The following PIP4K2A variants were observed in gnomAD, a reference collection of about 807,000 sequenced individuals.
PIP4K2A encodes phosphatidylinositol-5-phosphate 4-kinase type 2 alpha.
Under a neutral mutation model 42.9 loss-of-function variants are expected in PIP4K2A, and 14 were observed. The ratio of observed to expected loss-of-function variants is 0.33; its 90% CI spans 0.22 to 0.51. The LOEUF (loss-of-function observed/expected upper bound fraction) is 0.51, where lower values mean the gene tolerates loss of function less well. PIP4K2A is among the 20% of genes least tolerant of loss of function. PIP4K2A has a pLI of 0.97. For missense variants in PIP4K2A, 434 were observed against 519.8 expected (o/e 0.83, Z 1.61); for synonymous variants, 192 against 192.2 (o/e 1.00, Z 0.01).
chr10:22,594,891 C>A (rs538398708), intron 3 of PIP4K2A, among the ~76,000 whole-genome samples: 9 of 152,112 alleles, frequency 5.9e-5, no homozygotes, highest in African/African-American at 1.4e-4. Context: ...CTTAAAAATT[C>A]GAATCTTGAT....
chr10:22,698,858 T>C (rs879664954), intron 1 of PIP4K2A, among the ~76,000 whole-genome samples: 8 of 152,220 alleles, frequency 5.3e-5, no homozygotes, highest in African/African-American at 9.6e-5. Flanking sequence ...TCAGAAAATA[T>C]GCTATGTATC....
At chr10:22,567,827 G>C in intron 6 of PIP4K2A, 24 bp downstream of exon 6, 1 of 1,599,368 alleles carries the variant, frequency 6.3e-7, no homozygotes, top group Non-Finnish European at 8.6e-7. Flanking sequence ...CAGGACATGG[G>C]GAGACATACA....
chr10:22,608,637 T>G (rs1174553824), intron 2 of PIP4K2A, among the ~76,000 whole-genome samples: 1 of 152,110 alleles, frequency 6.6e-6, no homozygotes, highest in Non-Finnish European at 1.5e-5. Context: ...TTTGGGAGAC[T>G]GAGGTGGGAG....
At chr10:22,641,885 G>C (rs1838789558) in intron 1 of PIP4K2A, 1 of 152,200 alleles carries the variant, frequency 6.6e-6, no homozygotes, top group South Asian at 2.1e-4. Context: ...GGCCATCACA[G>C]GGTTCTCTAC....
chr10:22,652,866 T>G (rs1032849101), intron 1 of PIP4K2A, among the ~76,000 whole-genome samples: 4 of 152,116 alleles, frequency 2.6e-5, no homozygotes, highest in African/African-American at 9.7e-5. Context: ...GGCTGAGGCT[T>G]GAGGATCACT....
chr10:22,612,742 C>T (rs112482690), intron 1 of PIP4K2A, among the ~76,000 whole-genome samples: 3,354 of 151,932 alleles, frequency 0.022, 123 homozygotes, highest in African/African-American at 0.075. Flanking sequence ...GTGGGTCCAA[C>T]GACTGGCACA....
intron 1 of PIP4K2A, among the ~76,000 whole-genome samples, chr10:22,664,024 T>C (rs1839259082): frequency 8.4e-6 from 1 of 119,072 alleles, no homozygotes; most frequent in Non-Finnish European, 1.7e-5. Flanking sequence ...TCTCTCTCCA[T>C]ATATATACAT....
At chr10:22,693,413 C>T (rs1378673765) in intron 1 of PIP4K2A, among the ~76,000 whole-genome samples, 1 of 152,076 alleles carries the variant, frequency 6.6e-6, no homozygotes, top group Non-Finnish European at 1.5e-5. Flanking sequence ...AAGAGTGATT[C>T]TACATGGCAT....
intron 1 of PIP4K2A, among the ~76,000 whole-genome samples, chr10:22,667,913 GTGT>G (rs1839379938): frequency 7.7e-6 from 1 of 129,818 alleles, no homozygotes; most frequent in South Asian, 2.5e-4. Flanking sequence ...GTGTGTGTGT[GTGT>G]AGAGAGGGGG....
At chr10:22,637,770 C>T (rs1388585928) in intron 1 of PIP4K2A, among the ~76,000 whole-genome samples, 1 of 152,226 alleles carries the variant, frequency 6.6e-6, no homozygotes, top group African/African-American at 2.4e-5. Flanking sequence ...AACTCGGCCA[C>T]AAAGAGTGTA....
chr10:22,674,204 C>G (rs1325020121), intron 1 of PIP4K2A, among the ~76,000 whole-genome samples: 3 of 152,188 alleles, frequency 2.0e-5, no homozygotes, highest in Non-Finnish European at 4.4e-5. Context: ...CCAGCAGACA[C>G]TGTCTTGTGC....
At chr10:22,680,263 C>T (rs1839633447) in intron 1 of PIP4K2A, among the ~76,000 whole-genome samples, 2 of 151,866 alleles carry the variant, frequency 1.3e-5, no homozygotes, top group East Asian at 1.9e-4. Flanking sequence ...AAGCAGAGTA[C>T]AAAACTATAA....
chr10:22,622,735 G>A (rs924967039), intron 1 of PIP4K2A, among the ~76,000 whole-genome samples: 2 of 152,086 alleles, frequency 1.3e-5, no homozygotes, highest in Non-Finnish European at 2.9e-5. Context: ...ACAAACCACC[G>A]GACATGGGAG....
chr10:22,553,262 T>G (rs1026306744), intron 6 of PIP4K2A, among the ~76,000 whole-genome samples: 3 of 152,290 alleles, frequency 2.0e-5, no homozygotes, highest in Admixed American at 2.0e-4. Context: ...AACACTGGCC[T>G]ACAGATATCA....
At chr10:22,711,934 G>C (rs1191250007) in intron 1 of PIP4K2A, among the ~76,000 whole-genome samples, 1 of 152,070 alleles carries the variant, frequency 6.6e-6, no homozygotes, top group African/African-American at 2.4e-5. Context: ...CTGTGAAACA[G>C]ACCTTTCTTA....
At chr10:22,703,684 A>C (rs898943905) in intron 1 of PIP4K2A, among the ~76,000 whole-genome samples, 4 of 152,250 alleles carry the variant, frequency 2.6e-5, no homozygotes, top group Non-Finnish European at 4.4e-5. Flanking sequence ...ATGACATGAA[A>C]TCATCTACAG....
intron 1 of PIP4K2A, among the ~76,000 whole-genome samples, chr10:22,705,425 TTAAAAAA>T (rs1300808855): frequency 1.6e-3 from 92 of 56,892 alleles, no homozygotes; most frequent in African/African-American, 5.9e-3. Context: ...AGTACCCCAG[TTAAAAAA>T]AAAAAAAAAA....
At chr10:22,668,020 C>G (rs1056674848) in intron 1 of PIP4K2A, among the ~76,000 whole-genome samples, 1 of 151,908 alleles carries the variant, frequency 6.6e-6, no homozygotes, top group Non-Finnish European at 1.5e-5. Flanking sequence ...GGCATGGTCT[C>G]GGCTCACTGC....
At chr10:22,633,055 C>T (rs934047962) in intron 1 of PIP4K2A, among the ~76,000 whole-genome samples, 1 of 152,140 alleles carries the variant, frequency 6.6e-6, no homozygotes, top group Admixed American at 6.6e-5. Context: ...CATGTAACCA[C>T]CTTAACCCTG....
Sources: allele counts gnomAD v4.1 joint callset (sites outside exome capture counted in the v4.1 genomes callset), GRCh38; gene constraint gnomAD v4.1.1; transcripts MANE v1.5; gene names NCBI Gene and HGNC (gene_info 2026-07-23, HGNC 2026-07-21).